Variants in TFCP2 observed in about 807,000 individuals in gnomAD.
TFCP2 encodes alpha-globin transcription factor CP2.
In TFCP2, 33 loss-of-function variants were observed where a neutral mutation model predicts 73.4. The observed-to-expected ratio is 0.45, with a 90% confidence interval of 0.34 to 0.60. The LOEUF is 0.60. Among genes scored for constraint, TFCP2 ranks in the 20% least tolerant of loss-of-function variants. TFCP2 has a pLI of 0.01. For missense variants in TFCP2, 352 were observed against 604.0 expected (o/e 0.58, Z 4.37); for synonymous variants, 193 against 211.6 (o/e 0.91, Z 0.76).
At position 51,116,067 on chromosome 12, in the gene TFCP2, C is replaced by T. The variant is rs142608556; in HGVS notation, c.457+248G>A. Among the ~76,000 whole-genome samples, 457 of 152,100 alleles carry T rather than the reference C, an allele frequency of 3.0e-3. 6 individuals are homozygous for T. In the South Asian group the frequency reaches 0.034, roughly 11 times the overall value. On this transcript the variant is annotated intron_variant, in intron 4 of 14. Transcript: ENST00000257915. ...AACTTTTATGTAATGTATATTTTACCACAACTTAAAAAACAACAAAATCAA... is the reference window on the plus strand; with the variant it reads ...AACTTTTATGTAATGTATATTTTACTACAACTTAAAAAACAACAAAATCAA...
chr12:51,133,659 G>A (rs979263350), intron 1 of TFCP2, among the ~76,000 whole-genome samples: 2 of 151,646 alleles, frequency 1.3e-5, no homozygotes, highest in African/African-American at 2.4e-5. Context: ...GGGCACAGTG[G>A]CTCACGCCTG....
rs545226414 is a variant in TFCP2, at chr12:51,115,184, G to A, written c.457+1131C>T. Among the ~76,000 whole-genome samples, 572 of 143,536 alleles carry A rather than the reference G, an allele frequency of 4.0e-3. 2 individuals are homozygous for A. Among genetic ancestry groups the A allele is most frequent in the Non-Finnish European group, 7.4e-3 (491 of 66,370 alleles). 94.2% of individuals were successfully genotyped at this position (143,536 alleles called of 152,430 possible). On this transcript the variant is annotated intron_variant, in intron 4 of 14. Coordinates refer to ENST00000257915, the MANE Select transcript of TFCP2 (RefSeq NM_005653.5). ...ACCCAGGCTGGAGTGCAGTGGCGTG[G>A]TCTTGGCTCACTGCAAGCTCCGCCT...
intron 1 of TFCP2, among the ~76,000 whole-genome samples, chr12:51,132,896 T>G (rs1370820800): frequency 6.6e-6 from 1 of 152,158 alleles, no homozygotes; most frequent in Non-Finnish European, 1.5e-5. Context: ...CGTCCCAGCC[T>G]AGGCCTCAGA....
At position 51,095,039 on chromosome 12, in the gene TFCP2, T is replaced by G; in HGVS notation, c.*202A>C. 1.6e-6 allele frequency: 1 copy of G among 638,544 alleles called. No individual in the cohort carries two copies. 39.6% of individuals were successfully genotyped at this position (638,544 alleles called of 1,614,324 possible). On this transcript the variant is annotated 3_prime_UTR_variant, in exon 15 of 15. Coordinates refer to ENST00000257915, the MANE Select transcript of TFCP2 (RefSeq NM_005653.5). ...CTAAAACAGCTGCAGAACTGCATAT[T>G]GGGCAGTAATCTGTGTGTACCACAA...
At chr12:51,168,316 G>A (rs901292155) in intron 1 of TFCP2, among the ~76,000 whole-genome samples, 2 of 152,046 alleles carry the variant, frequency 1.3e-5, no homozygotes, top group Non-Finnish European at 2.9e-5. Context: ...CTACTTGGGA[G>A]GACTGCTTGA....
intron 1 of TFCP2, among the ~76,000 whole-genome samples, chr12:51,139,719 C>A (rs1451032932): frequency 6.6e-6 from 1 of 151,618 alleles, no homozygotes; most frequent in African/African-American, 2.4e-5. Context: ...AACTGCAGTT[C>A]TTTCCCTTGC....
At chr12:51,161,725 T>C (rs1941653180) in intron 1 of TFCP2, among the ~76,000 whole-genome samples, 1 of 125,398 alleles carries the variant, frequency 8.0e-6, no homozygotes, top group Non-Finnish European at 1.6e-5. Context: ...TTCGCACCAC[T>C]GCACTCCAGC....
chr12:51,099,032 G>A, intron 12 of TFCP2, 114 bp from the exon 13 acceptor site: 1 of 1,170,302 alleles, frequency 8.5e-7, no homozygotes, highest in Non-Finnish European at 1.2e-6. Flanking sequence ...CACTGCCTAA[G>A]TTCAAATCCT....
intron 1 of TFCP2, among the ~76,000 whole-genome samples, chr12:51,135,178 G>A (rs1324016844): frequency 6.6e-6 from 1 of 151,594 alleles, no homozygotes; most frequent in East Asian, 1.9e-4. Context: ...TGTAATCCCA[G>A]CACTTTGGGA....
In TFCP2 at chr12:51,095,147, G is replaced by A; in HGVS notation, c.*94C>T. On this transcript the variant is annotated 3_prime_UTR_variant, in exon 15 of 15. Transcript: ENST00000257915. ...ACACAGTCAGACGAGTCAGGTTCTT[G>A]CAGACCTTCAAATCTCCATTCATAT... The A allele has an allele frequency of 7.2e-7, 1 of 1,381,026 alleles. No individual in the cohort carries two copies. The highest frequency in any genetic ancestry group is 1.0e-6 in the Non-Finnish European group (1 of 967,938). The allele number at this position is 1,381,026 out of a possible 1,614,324, so 85.5% of individuals were successfully genotyped here.
At chr12:51,103,610 G>A in intron 10 of TFCP2, 60 bp downstream of exon 10, 1 of 1,281,976 alleles carries the variant, frequency 7.8e-7, no homozygotes, top group South Asian at 1.2e-5. Context: ...ATACCAGGAG[G>A]CCCTAGAATG....
At position 51,093,679 on chromosome 12, in the gene TFCP2, C is replaced by T. The variant is rs546076175; in HGVS notation, c.*1562G>A. 6.6e-6 allele frequency: 1 copy of T among 152,176 alleles called. No individual in the cohort carries two copies. Among genetic ancestry groups the T allele is most frequent in the East Asian group, 1.9e-4 (1 of 5,180 alleles). 9.4% of individuals were successfully genotyped at this position (152,176 alleles called of 1,614,324 possible). On this transcript the variant is annotated 3_prime_UTR_variant, in exon 15 of 15. Coordinates refer to ENST00000257915, the MANE Select transcript of TFCP2 (RefSeq NM_005653.5). ...CATTTTGGTGTAATATAACAAGTTG[C>T]TCAGGTCAGTTTTAAACAAGTCATT...
intron 1 of TFCP2, among the ~76,000 whole-genome samples, chr12:51,152,762 C>G (rs1941455470): frequency 6.6e-6 from 1 of 152,150 alleles, no homozygotes; most frequent in Non-Finnish European, 1.5e-5. Flanking sequence ...TTATACAAGT[C>G]TGAAATTATT....
rs992559753 is a variant in TFCP2, at chr12:51,169,593, T to C, written c.122+2708A>G. 4.6e-5 allele frequency among the ~76,000 whole-genome samples: 7 copies of C among 152,010 alleles called. No homozygotes were observed. In the South Asian group the frequency reaches 6.3e-4, roughly 14 times the overall value. On this transcript the variant is annotated intron_variant, in intron 1 of 14. Coordinates refer to ENST00000257915, the MANE Select transcript of TFCP2 (RefSeq NM_005653.5). ...AACAAAAAAGCCAGGCGTAGTGTTA[T>C]ATGCCTATAGTCTCAGCTACTCGGA...
chr12:51,157,447 C>G (rs556157906), intron 1 of TFCP2, among the ~76,000 whole-genome samples: 1 of 147,914 alleles, frequency 6.8e-6, no homozygotes, highest in African/African-American at 2.4e-5. Context: ...TTCCGAGTAG[C>G]TAGGACTACA....
intron 1 of TFCP2, among the ~76,000 whole-genome samples, chr12:51,149,798 G>A (rs1306012840): frequency 2.0e-5 from 3 of 151,898 alleles, no homozygotes; most frequent in East Asian, 1.9e-4. Context: ...ACGGGGTTTC[G>A]CCATGTTGGC....
At chr12:51,156,675 C>T (rs1233130802) in intron 1 of TFCP2, among the ~76,000 whole-genome samples, 1 of 152,212 alleles carries the variant, frequency 6.6e-6, no homozygotes, top group Admixed American at 6.5e-5. Flanking sequence ...CCAGCGAAGT[C>T]ATCAGGTCCA....
intron 1 of TFCP2, among the ~76,000 whole-genome samples, chr12:51,133,921 C>T (rs1209419594): frequency 1.0e-5 from 1 of 97,062 alleles, no homozygotes; most frequent in African/African-American, 3.7e-5. Flanking sequence ...GACCCTGTCT[C>T]AAAAAAAAAA....
chr12:51,140,090 A>G (rs1260761944), intron 1 of TFCP2, among the ~76,000 whole-genome samples: 42 of 152,344 alleles, frequency 2.8e-4, no homozygotes, highest in Non-Finnish European at 1.5e-5. Context: ...AATGCCTCAT[A>G]TTAAGTAGCA....
Sources: allele counts gnomAD v4.1 joint callset (sites outside exome capture counted in the v4.1 genomes callset), GRCh38; gene constraint gnomAD v4.1.1; transcripts MANE v1.5; gene names NCBI Gene and HGNC (gene_info 2026-07-23, HGNC 2026-07-21).